The following STK10 variants were observed in gnomAD, a reference collection of about 807,000 sequenced individuals.
The protein encoded by STK10 is serine/threonine kinase 10.
Under a neutral mutation model 113.8 loss-of-function variants are expected in STK10, and 78 were observed. The ratio of observed to expected loss-of-function variants is 0.69; its 90% confidence interval spans 0.57 to 0.83. The LOEUF is 0.83. STK10 is among the 40% of genes least tolerant of loss of function. STK10 has a pLI of 0.00. For synonymous variants in STK10, 465 were observed against 494.7 expected (o/e 0.94, Z 0.80); for missense variants, 1,109 against 1,280.1 (o/e 0.87, Z 2.04).
chr5:172,112,098 C>G (rs1042329502), intron 4 of STK10, among the ~76,000 whole-genome samples: 1 of 152,130 alleles, frequency 6.6e-6, no homozygotes, highest in African/African-American at 2.4e-5. Flanking sequence ...ACATGCAGCT[C>G]TTAAAAAGAA....
chr5:172,168,092 A>T (rs1197912294), intron 1 of STK10, among the ~76,000 whole-genome samples: 1 of 152,108 alleles, frequency 6.6e-6, no homozygotes, highest in Non-Finnish European at 1.5e-5. Flanking sequence ...GAGCCAAAGG[A>T]CGGAGCAGTC....
intron 1 of STK10, among the ~76,000 whole-genome samples, chr5:172,170,549 T>A (rs1770649997): frequency 6.6e-6 from 1 of 152,188 alleles, no homozygotes; most frequent in South Asian, 2.1e-4. Context: ...CCTTGAACAC[T>A]GTCTCCCTCA....
intron 14 of STK10, 115 bp downstream of exon 14, chr5:172,061,024 T>G (rs1301905844): frequency 7.0e-7 from 1 of 1,427,230 alleles, no homozygotes; most frequent in East Asian, 2.5e-5. Context: ...GAATGATGTT[T>G]AGTTTTGGGG....
Position 172,187,825 on chromosome 5 carries a change from A to C in STK10, c.156+62T>G. On this transcript the variant is annotated intron_variant, in intron 1 of 18. Transcript: ENST00000176763. This position sits in a 1 kb window ranked among gnomAD's most constrained non-coding sequence, Gnocchi z 4.6. The stretch of plus-strand genomic sequence containing the variant: ...GAGCCAGGCTGGCCGGGTCCGGCTC[A>C]GGCATCCCTTCCTTCCGGAGCCCCT... 6.3e-7 allele frequency: 1 copy of C among 1,583,108 alleles called. No homozygotes were observed. The highest frequency in any genetic ancestry group is 8.6e-7 in the Non-Finnish European group (1 of 1,165,268).
chr5:172,140,452 T>A (rs2113800534), intron 2 of STK10, among the ~76,000 whole-genome samples: 1 of 152,296 alleles, frequency 6.6e-6, no homozygotes, highest in Non-Finnish European at 1.5e-5. Flanking sequence ...ATCCCGTCAC[T>A]TTCGGAGGCC....
intron 1 of STK10, among the ~76,000 whole-genome samples, chr5:172,177,584 T>C (rs1368165733): frequency 6.6e-6 from 1 of 152,208 alleles, no homozygotes; most frequent in African/African-American, 2.4e-5. Flanking sequence ...GATGGAGATG[T>C]GCCATAAGTG....
At chr5:172,057,200 G>A in intron 15 of STK10, 149 bp downstream of exon 15, 3 of 1,149,650 alleles carry the variant, frequency 2.6e-6, no homozygotes, top group East Asian at 2.6e-5. Context: ...AGAACCTCCT[G>A]GGGCCTCACT....
At chr5:172,058,792 A>G (rs1207129217) in intron 14 of STK10, among the ~76,000 whole-genome samples, 1 of 152,100 alleles carries the variant, frequency 6.6e-6, no homozygotes, top group Non-Finnish European at 1.5e-5. Flanking sequence ...CAGGGGCCTA[A>G]GGCATGAGAA....
rs144673077 is a variant in STK10 at position 172,187,520 on chromosome 5, C to T, written c.156+367G>A. On this transcript the variant is annotated intron_variant, in intron 1 of 18. Transcript: ENST00000176763. The surrounding 1 kb of genome is among the most constrained non-coding windows in gnomAD (Gnocchi z 4.6). ...TAAAAAAAAAAGTGTGCCCGTATCGCCGTTTTACGGAACGTCCCTGGAAGG... is the reference window on the plus strand; with the variant it reads ...TAAAAAAAAAAGTGTGCCCGTATCGTCGTTTTACGGAACGTCCCTGGAAGG... Among the ~76,000 whole-genome samples, 1,229 of 152,344 alleles carry T rather than the reference C, an allele frequency of 8.1e-3. 7 individuals are homozygous for T. Among genetic ancestry groups the T allele is most frequent in the Middle Eastern group, 0.031 (9 of 294 alleles).
intron 2 of STK10, among the ~76,000 whole-genome samples, chr5:172,135,786 C>T (rs1769844349): frequency 6.6e-6 from 1 of 152,062 alleles, no homozygotes; most frequent in Non-Finnish European, 1.5e-5. Flanking sequence ...CGCCTATAAT[C>T]CCAGTGCTTT....
At chr5:172,128,899 G>T (rs1769685936) in intron 2 of STK10, among the ~76,000 whole-genome samples, 1 of 152,214 alleles carries the variant, frequency 6.6e-6, no homozygotes, top group South Asian at 2.1e-4. Context: ...TCAGGAATTT[G>T]ATGAAGCCTC....
chr5:172,145,851 T>C (rs1465332629), intron 2 of STK10, among the ~76,000 whole-genome samples: 1 of 152,114 alleles, frequency 6.6e-6, no homozygotes, highest in Non-Finnish European at 1.5e-5. Context: ...GCACAGCCAT[T>C]AGTAGCATGT....
chr5:172,155,829 T>C (rs961511800), intron 2 of STK10, among the ~76,000 whole-genome samples: 14 of 151,900 alleles, frequency 9.2e-5, no homozygotes, highest in Non-Finnish European at 1.3e-4. Flanking sequence ...ACCCCATCTC[T>C]ACTAAAAATA....
In STK10 at chr5:172,055,180, C is replaced by T. The variant is rs544370453; in HGVS notation, c.2526+408G>A. Among the ~76,000 whole-genome samples the T allele has an allele frequency of 3.6e-3, 538 of 148,864 alleles. 1 individual carries two copies. Among genetic ancestry groups the T allele is most frequent in the African/African-American group, 0.013 (511 of 40,204 alleles). ...CACACCCCCTCCCAAGACCTTATGG[C>T]GGGTGGGTCGGAGTGCATCTTTCTT... On this transcript the variant is annotated intron_variant, in intron 16 of 18. Transcript: ENST00000176763.
chr5:172,114,323 T>TGTGTG (rs1769317517), intron 4 of STK10, among the ~76,000 whole-genome samples: 6 of 149,868 alleles, frequency 4.0e-5, no homozygotes, highest in African/African-American at 7.5e-5. Context: ...TGTATGTGTG[T>TGTGTG]TTTCTGATTA....
Position 172,082,310 on chromosome 5 carries a change from C to A in STK10, c.1989+16G>T, listed in dbSNP as rs749572257. 2.2e-5 allele frequency: 34 copies of A among 1,513,060 alleles called. No homozygotes were observed. Among genetic ancestry groups the A allele is most frequent in the Non-Finnish European group, 2.9e-5 (33 of 1,130,720 alleles). The allele number at this position is 1,513,060 out of a possible 1,614,324, so 93.7% of individuals were successfully genotyped here. A position where few individuals can be genotyped will look rare whatever the true frequency, so the allele number is the denominator to read the frequency against. ...ATACTCCGAGATGCCCCTGCCCCCA[C>A]TGAGCACATACTCACCTCTTTCTTC... On this transcript the variant is annotated intron_variant, in intron 12 of 18. Transcript: ENST00000176763. The surrounding 1 kb of genome is among the most constrained non-coding windows in gnomAD (Gnocchi z 4.3).
At chr5:172,126,218 C>A (rs1319309373) in intron 3 of STK10, among the ~76,000 whole-genome samples, 2 of 152,192 alleles carry the variant, frequency 1.3e-5, no homozygotes, top group Non-Finnish European at 2.9e-5. Context: ...GTCACCCAGA[C>A]CTGGGTTCAC....
intron 13 of STK10, among the ~76,000 whole-genome samples, chr5:172,062,161 A>G (rs1767952212): frequency 6.6e-6 from 1 of 151,998 alleles, no homozygotes; most frequent in South Asian, 2.1e-4. Flanking sequence ...TATTTTTAGT[A>G]GAGACGGGGT....
At chr5:172,102,567 G>T (rs1233497265) in intron 7 of STK10, among the ~76,000 whole-genome samples, 2 of 152,140 alleles carry the variant, frequency 1.3e-5, no homozygotes, top group Non-Finnish European at 2.9e-5. Flanking sequence ...GGCGAGCAAA[G>T]GCAACGGAGA....
Sources: gnomAD v4.1 joint callset for allele counts (sites outside exome capture counted in the v4.1 genomes callset) on GRCh38, gnomAD v4.1.1 for gene constraint, Gnocchi (gnomAD v3.1) non-coding constraint, MANE v1.5 for transcripts, NCBI Gene and HGNC (gene_info 2026-07-23, HGNC 2026-07-21) for gene names.